The following WDFY2 variants were observed in gnomAD, a reference collection of about 807,000 sequenced individuals.
WDFY2 encodes WD repeat and FYVE domain-containing protein 2.
Under a neutral mutation model 56.4 loss-of-function variants are expected in WDFY2, and 36 were observed. The observed-to-expected ratio is 0.64, with a 90% confidence interval of 0.49 to 0.84. The LOEUF (loss-of-function observed/expected upper bound fraction) is 0.84. Ranked by LOEUF, WDFY2 falls within the 40% of genes least tolerant of loss-of-function variation. The probability of loss-of-function intolerance (pLI) is 0.00; values close to 1 mark genes in which losing one functional copy is unlikely to be tolerated. For synonymous variants in WDFY2, 176 were observed against 183.7 expected (o/e 0.96, Z 0.34); for missense variants, 444 against 512.2 (o/e 0.87, Z 1.29).
chr13:51,650,855 G>A (rs1184498782), intron 1 of WDFY2, among the ~76,000 whole-genome samples: 4 of 152,108 alleles, frequency 2.6e-5, no homozygotes, highest in Non-Finnish European at 4.4e-5. Flanking sequence ...CATTCATCAG[G>A]GATATTGGTC....
chr13:51,674,435 C>T (rs913579613), intron 2 of WDFY2, among the ~76,000 whole-genome samples: 4 of 152,266 alleles, frequency 2.6e-5, no homozygotes, highest in Admixed American at 2.0e-4. Flanking sequence ...ACGTGGCTTC[C>T]AAGCATACTT....
At chr13:51,639,360 G>T (rs1955113622) in intron 1 of WDFY2, among the ~76,000 whole-genome samples, 1 of 152,000 alleles carries the variant, frequency 6.6e-6, no homozygotes, top group Non-Finnish European at 1.5e-5. Context: ...ATAGGAGGAG[G>T]GGTTATCTGT....
intron 3 of WDFY2, among the ~76,000 whole-genome samples, chr13:51,690,344 C>A (rs1392823822): frequency 9.1e-6 from 1 of 109,292 alleles, no homozygotes; most frequent in African/African-American, 3.4e-5. Flanking sequence ...ATCCCTCCCC[C>A]CTCCCCCCAC....
At chr13:51,702,149 TAAAAATACCAA>T (rs1951998405) in intron 3 of WDFY2, among the ~76,000 whole-genome samples, 2 of 151,918 alleles carry the variant, frequency 1.3e-5, no homozygotes, top group Admixed American at 1.3e-4. Flanking sequence ...CCATGTCTAC[TAAAAATACCAA>T]AATTAGCTGC....
chr13:51,642,871 T>A (rs908947962), intron 1 of WDFY2, among the ~76,000 whole-genome samples: 1 of 151,886 alleles, frequency 6.6e-6, no homozygotes, highest in African/African-American at 2.4e-5. Flanking sequence ...AGAGATGGGG[T>A]TTCACCATGT....
intron 1 of WDFY2, among the ~76,000 whole-genome samples, chr13:51,610,411 A>G (rs528991894): frequency 6.6e-6 from 1 of 152,118 alleles, no homozygotes; most frequent in Non-Finnish European, 1.5e-5. Flanking sequence ...CCTTTATTGT[A>G]TGAATTTGTT....
chr13:51,732,287 T>C (rs1240382347), intron 6 of WDFY2, among the ~76,000 whole-genome samples: 1 of 152,018 alleles, frequency 6.6e-6, no homozygotes, highest in Middle Eastern at 3.2e-3. Flanking sequence ...CCCGCCACCA[T>C]GGCCGACTAA....
chr13:51,653,565 T>A (rs1955447699), intron 1 of WDFY2, among the ~76,000 whole-genome samples: 2 of 152,224 alleles, frequency 1.3e-5, no homozygotes, highest in South Asian at 4.1e-4. Context: ...GATGGTGACG[T>A]ACAGATGGGG....
intron 7 of WDFY2, 57 bp from the exon 8 acceptor site, chr13:51,751,253 T>A: frequency 1.3e-6 from 2 of 1,565,580 alleles, no homozygotes; most frequent in East Asian, 2.3e-5. Flanking sequence ...AGGTTTCTGC[T>A]GCGAGGCCTT....
At chr13:51,675,084 G>T in intron 2 of WDFY2, 86 bp from the exon 3 acceptor site, 1 of 1,198,268 alleles carries the variant, frequency 8.3e-7, no homozygotes, top group Non-Finnish European at 1.2e-6. Context: ...GGAAAGTACA[G>T]CCCCACACTT....
chr13:51,655,861 CA>C (rs1407526229), intron 1 of WDFY2, among the ~76,000 whole-genome samples: 3 of 151,874 alleles, frequency 2.0e-5, no homozygotes, highest in Non-Finnish European at 2.9e-5. Context: ...TGAGATTATC[CA>C]TTTCTTCTTG....
intron 7 of WDFY2, among the ~76,000 whole-genome samples, chr13:51,747,232 A>G (rs1953124022): frequency 6.6e-6 from 1 of 152,264 alleles, no homozygotes; most frequent in Non-Finnish European, 1.5e-5. Context: ...AATTGTGACC[A>G]ATGATATCAG....
intron 1 of WDFY2, among the ~76,000 whole-genome samples, chr13:51,651,057 G>A (rs962670379): frequency 6.6e-6 from 1 of 152,102 alleles, no homozygotes; most frequent in African/African-American, 2.4e-5. Context: ...ACTTTTTTTG[G>A]TTGGTAAGCT....
chr13:51,603,526 A>G (rs1371086384), intron 1 of WDFY2, among the ~76,000 whole-genome samples: 1 of 152,210 alleles, frequency 6.6e-6, no homozygotes, highest in African/African-American at 2.4e-5. Context: ...TTTCTCTGTG[A>G]CATTTTCAGC....
intron 1 of WDFY2, among the ~76,000 whole-genome samples, chr13:51,642,475 T>G (rs958029075): frequency 2.6e-5 from 4 of 151,500 alleles, no homozygotes; most frequent in African/African-American, 9.7e-5. Context: ...TTTTTTGTAT[T>G]TTTGTAGAGA....
In WDFY2 at chr13:51,622,582, C is replaced by T. The variant is rs541138759; in HGVS notation, c.137+37758C>T. On this transcript the variant is annotated intron_variant, in intron 1 of 11. Coordinates refer to ENST00000298125, the MANE Select transcript of WDFY2 (RefSeq NM_052950.4). The stretch of plus-strand genomic sequence containing the variant: ...GAGCCTGGTGGAGGGCAGATTCCCT[C>T]TGTAAAATGAAAATGAACCAGGAGG... 2.6e-5 allele frequency among the ~76,000 whole-genome samples: 4 copies of T among 152,324 alleles called. No homozygotes were observed. The South Asian group carries it at 8.3e-4, about 32-fold the overall frequency.
chr13:51,667,214 A>G (rs565118778), intron 2 of WDFY2, among the ~76,000 whole-genome samples: 1 of 152,190 alleles, frequency 6.6e-6, no homozygotes, highest in South Asian at 2.1e-4. Context: ...ATTAGGAAAA[A>G]TTGGCTACTT....
At chr13:51,619,643 T>A (rs1954688701) in intron 1 of WDFY2, among the ~76,000 whole-genome samples, 1 of 152,186 alleles carries the variant, frequency 6.6e-6, no homozygotes, top group East Asian at 1.9e-4. Flanking sequence ...ATAAGTCCTG[T>A]TAAAAGAAAA....
intron 1 of WDFY2, among the ~76,000 whole-genome samples, chr13:51,615,658 G>C (rs1047467559): frequency 3.9e-5 from 6 of 152,186 alleles, no homozygotes; most frequent in African/African-American, 1.4e-4. Flanking sequence ...TAGGGACATG[G>C]TTAAATAAAT....
Sources: allele counts gnomAD v4.1 joint callset (sites outside exome capture counted in the v4.1 genomes callset), GRCh38; gene constraint gnomAD v4.1.1; transcripts MANE v1.5; gene names NCBI Gene and HGNC (gene_info 2026-07-23, HGNC 2026-07-21).